TNIK: variants seen among roughly 807,000 people sequenced by gnomAD.
The protein encoded by TNIK is TRAF2 and NCK-interacting protein kinase.
TNIK carries 49 observed loss-of-function variants against 191.3 expected under a neutral mutation model. The ratio of observed to expected loss-of-function variants is 0.26; its 90% CI spans 0.20 to 0.32. TNIK has a LOEUF of 0.32. Among genes scored for constraint, TNIK ranks in the 10% least tolerant of loss-of-function variants. The probability of loss-of-function intolerance (pLI) is 1.00; values close to 1 mark genes in which losing one functional copy is unlikely to be tolerated. For synonymous variants in TNIK, 594 were observed against 600.9 expected (o/e 0.99, Z 0.17); for missense variants, 1,155 against 1,702.3 (o/e 0.68, Z 5.66).
rs1718103176 is a variant in TNIK, at chr3:171,063,964, C to A, written c.4000G>T (p.Val1334Leu). The change falls in exon 33 of 33, where the codon GTA becomes TTA. Residue 1334 changes from valine to leucine, a missense_variant and splice_region_variant. By Grantham distance (32) the Val-to-Leu change is conservative. This residue lies in a region of TNIK where 195 missense variants were observed against 415.4 expected (regional missense o/e 0.47). Coordinates refer to ENST00000436636, the MANE Select transcript of TNIK (RefSeq NM_015028.4). Reference protein sequence around the residue: ...LKFLCERNDKVFFASVRSGGS... With the variant: ...LKFLCERNDKLFFASVRSGGS... ...CCAGATCGCACGGATGCAAAAAATA[C>A]CTGTTTGAAATTAAAAAGAAGTTAG... 1 of 1,613,314 alleles carries A rather than the reference C, an allele frequency of 6.2e-7. No homozygotes were observed. The highest frequency in any genetic ancestry group is 1.3e-5 in the African/African-American group (1 of 74,862).
At chr3:171,156,464 C>G (rs1229896840) in intron 12 of TNIK, among the ~76,000 whole-genome samples, 1 of 152,202 alleles carries the variant, frequency 6.6e-6, no homozygotes, top group Non-Finnish European at 1.5e-5. Flanking sequence ...AGCTGGTGTT[C>G]GGGAAACCTG....
At position 171,161,368 on chromosome 3, in the gene TNIK, A is replaced by G. The variant is rs187412996; in HGVS notation, c.950-32T>C. 1.6e-5 allele frequency: 25 copies of G among 1,600,668 alleles called. No individual in the cohort carries two copies. In the Admixed American group the frequency reaches 2.9e-4, roughly 18 times the overall value. ...AAAGATCCCAGCATGTTAGTGCACA[A>G]AAAGATGCTATGGCTCAGTAAAGCC... is the stretch of plus-strand genomic sequence containing the variant. On this transcript the variant is annotated intron_variant, in intron 10 of 32. Transcript: ENST00000436636.
At chr3:171,188,944 ATTTTGACCAT>A in intron 6 of TNIK, 112 bp from the exon 7 acceptor site, 1 of 1,314,516 alleles carries the variant, frequency 7.6e-7, no homozygotes, top group Non-Finnish European at 1.0e-6. Context: ...AAAGTGTACA[ATTTTGACCAT>A]TTTCAAATGT....
chr3:171,063,119 A>G lies in TNIK; in HGVS notation c.*762T>C. ...CAATGGCGTTAGTATCCTGTTCAAC[A>G]CACTCCATTCTGTAAAGGGCCATAT... On this transcript the variant is annotated 3_prime_UTR_variant, in exon 33 of 33. Coordinates refer to ENST00000436636, the MANE Select transcript of TNIK (RefSeq NM_015028.4). 6.6e-6 allele frequency: 1 copy of G among 152,158 alleles called. No individual in the cohort carries two copies. Among genetic ancestry groups the G allele is most frequent in the Non-Finnish European group, 1.5e-5 (1 of 68,036 alleles). 9.4% of individuals were successfully genotyped at this position (152,158 alleles called of 1,614,324 possible).
At chr3:171,251,358 G>C (rs1029070477) in intron 2 of TNIK, among the ~76,000 whole-genome samples, 1 of 152,216 alleles carries the variant, frequency 6.6e-6, no homozygotes, top group South Asian at 2.1e-4. Context: ...TGTTGTTAGA[G>C]GCCTGAGATG....
rs141507046 is a variant in TNIK at position 171,288,601 on chromosome 3, G to A, written c.124-60380C>T. Reference sequence around the variant, plus strand: ...GGGAGGGCAGATCACAAGGTCAGGAGATCAAGACCATCCTGGCTAACATGG... The same window carrying A: ...GGGAGGGCAGATCACAAGGTCAGGAAATCAAGACCATCCTGGCTAACATGG... On this transcript the variant is annotated intron_variant, in intron 2 of 32. Coordinates refer to ENST00000436636, the MANE Select transcript of TNIK (RefSeq NM_015028.4). Among the ~76,000 whole-genome samples, 25 of 152,206 alleles carry A rather than the reference G, an allele frequency of 1.6e-4. 1 individual carries two copies. In the East Asian group the frequency reaches 4.8e-3, roughly 29 times the overall value.
chr3:171,238,614 C>T (rs1224185079), intron 2 of TNIK, among the ~76,000 whole-genome samples: 2 of 152,168 alleles, frequency 1.3e-5, no homozygotes, highest in South Asian at 4.2e-4. Flanking sequence ...ACCACCCTTC[C>T]CCAACAAGCA....
At chr3:171,275,524 AAAATT>A (rs1420504826) in intron 2 of TNIK, among the ~76,000 whole-genome samples, 3 of 152,208 alleles carry the variant, frequency 2.0e-5, no homozygotes, top group African/African-American at 7.2e-5. Context: ...AATTATTTTT[AAAATT>A]AAATAGAAGG....
chr3:171,095,965 T>C (rs990342109), intron 22 of TNIK, among the ~76,000 whole-genome samples: 2 of 152,242 alleles, frequency 1.3e-5, no homozygotes, highest in Admixed American at 1.3e-4. Context: ...TTTCAAAATA[T>C]CATTTCTTCA....
intron 1 of TNIK, among the ~76,000 whole-genome samples, chr3:171,456,350 C>G (rs1728796220): frequency 6.6e-6 from 1 of 152,212 alleles, no homozygotes; most frequent in African/African-American, 2.4e-5. Flanking sequence ...ACTCAAGCCC[C>G]AGGTTTGAAT....
Position 171,228,813 on chromosome 3 carries a change from A to C in TNIK, c.124-592T>G, listed in dbSNP as rs9845930. 4.1e-3 allele frequency among the ~76,000 whole-genome samples: 619 copies of C among 152,316 alleles called. 8 individuals are homozygous for C. Among genetic ancestry groups the C allele is most frequent in the African/African-American group, 0.014 (587 of 41,576 alleles). Reference sequence around the variant, plus strand: ...TCTTTTGGTCTTTAGAACCACAGTGAAGCAGCAACCACGTGGCAAAATCAG... The same window carrying C: ...TCTTTTGGTCTTTAGAACCACAGTGCAGCAGCAACCACGTGGCAAAATCAG... On this transcript the variant is annotated intron_variant, in intron 2 of 32. Transcript: ENST00000436636.
chr3:171,258,908 T>G (rs779422443), intron 2 of TNIK, among the ~76,000 whole-genome samples: 54 of 152,204 alleles, frequency 3.5e-4, no homozygotes, highest in Non-Finnish European at 6.6e-4. Flanking sequence ...TCAGTCTCTC[T>G]CATGTACACA....
At position 171,110,745 on chromosome 3, in the gene TNIK, T is replaced by G; in HGVS notation, c.2253A>C (p.Gln751His). 13 of 1,601,420 alleles carry G rather than the reference T, an allele frequency of 8.1e-6. No homozygotes were observed. The highest frequency in any genetic ancestry group is 1.0e-5 in the Non-Finnish European group (12 of 1,174,080). ...SSQGGSQPGSQAGSSERTRVR... is the reference protein window; with the variant it reads ...SSQGGSQPGSHAGSSERTRVR... The stretch of plus-strand genomic sequence containing the variant: ...CTCTGGTGCGTTCACTGGATCCTGC[T>G]TGTGATCCAGGCTGGGAGCCTCCTT... The change falls in exon 19 of 33, where the codon CAA becomes CAC. Residue 751 changes from glutamine (Q) to histidine (H), a missense_variant. Gln to His is a conservative substitution (Grantham distance 24). Coordinates refer to ENST00000436636, the MANE Select transcript of TNIK (RefSeq NM_015028.4).
intron 2 of TNIK, among the ~76,000 whole-genome samples, chr3:171,357,184 AATATT>A (rs1261985555): frequency 6.6e-6 from 1 of 152,188 alleles, no homozygotes; most frequent in Non-Finnish European, 1.5e-5. Flanking sequence ...TTGGCTACTA[AATATT>A]ATATTTTGTG....
chr3:171,093,606 T>C (rs1284741983), intron 23 of TNIK, among the ~76,000 whole-genome samples: 1 of 152,208 alleles, frequency 6.6e-6, no homozygotes, highest in African/African-American at 2.4e-5. Context: ...GCATAGCTCC[T>C]GCTGAAGAAT....
intron 7 of TNIK, among the ~76,000 whole-genome samples, chr3:171,183,172 T>C (rs1426884030): frequency 6.6e-6 from 1 of 152,064 alleles, no homozygotes; most frequent in Non-Finnish European, 1.5e-5. Context: ...AACAAGAAGC[T>C]TACAGGAAGC....
At chr3:171,321,066 G>A (rs1755121522) in intron 2 of TNIK, among the ~76,000 whole-genome samples, 1 of 152,042 alleles carries the variant, frequency 6.6e-6, no homozygotes, top group Admixed American at 6.6e-5. Context: ...AAAAGTAGGG[G>A]GAAAAAATAA....
chr3:171,076,824 A>AT (rs947866820), intron 28 of TNIK, among the ~76,000 whole-genome samples: 35 of 147,850 alleles, frequency 2.4e-4, no homozygotes, highest in East Asian at 9.9e-4. Context: ...TTATTCCTTG[A>AT]TTTTTTTTTT....
chr3:171,306,629 T>C (rs992658415), intron 2 of TNIK, among the ~76,000 whole-genome samples: 1 of 152,152 alleles, frequency 6.6e-6, no homozygotes, highest in African/African-American at 2.4e-5. Context: ...CTTAAACGTT[T>C]GGATTCCTTT....
Sources: allele counts gnomAD v4.1 joint callset (sites outside exome capture counted in the v4.1 genomes callset), GRCh38; gene constraint gnomAD v4.1.1; regional missense constraint gnomAD v4.1.1; transcripts MANE v1.5; gene names NCBI Gene and HGNC (gene_info 2026-07-23, HGNC 2026-07-21).